The following VPS53 variants were observed in gnomAD, a reference collection of about 807,000 sequenced individuals.
The protein encoded by VPS53 is vacuolar protein sorting-associated protein 53 homolog.
VPS53 carries 70 observed loss-of-function variants against 107.0 expected under a neutral mutation model. The ratio of observed to expected loss-of-function variants is 0.65; its 90% confidence interval spans 0.54 to 0.80. The LOEUF is 0.80. Ranked by LOEUF, VPS53 falls within the 30% of genes least tolerant of loss-of-function variation. The pLI, the probability that VPS53 is intolerant of heterozygous loss-of-function variation, is 0.00. For missense variants in VPS53, 917 were observed against 1,049.4 expected (o/e 0.87, Z 1.74); for synonymous variants, 409 against 393.3 (o/e 1.04, Z -0.47).
intron 4 of VPS53, among the ~76,000 whole-genome samples, chr17:669,994 A>G (rs2143689001): frequency 6.6e-6 from 1 of 152,330 alleles, no homozygotes; most frequent in South Asian, 2.1e-4. Flanking sequence ...ATCACTCCCA[A>G]AAATGTCTGC....
At chr17:710,667 T>C in intron 1 of VPS53, 54 bp from the exon 2 acceptor site, 2 of 1,350,608 alleles carry the variant, frequency 1.5e-6, no homozygotes, top group Non-Finnish European at 2.1e-6. Context: ...CGTAAATATA[T>C]ATAATTTTAA....
At chr17:713,065 A>T (rs1973701671) in intron 1 of VPS53, among the ~76,000 whole-genome samples, 1 of 152,104 alleles carries the variant, frequency 6.6e-6, no homozygotes, top group South Asian at 2.1e-4. Flanking sequence ...TCGAAGCGTC[A>T]ATGAATGCAC....
intron 4 of VPS53, among the ~76,000 whole-genome samples, chr17:686,309 G>A (rs1597486799): frequency 6.6e-6 from 1 of 152,122 alleles, no homozygotes; most frequent in South Asian, 2.1e-4. Flanking sequence ...GACAGAGTGA[G>A]ACCCTGTCTC....
intron 2 of VPS53, among the ~76,000 whole-genome samples, chr17:701,523 A>G (rs1973199575): frequency 6.6e-6 from 1 of 150,566 alleles, no homozygotes; most frequent in South Asian, 2.2e-4. Context: ...GATTACAGGC[A>G]CATGCCACCA....
At chr17:596,916 A>G (rs528001066) in intron 12 of VPS53, among the ~76,000 whole-genome samples, 3 of 152,328 alleles carry the variant, frequency 2.0e-5, no homozygotes, top group Admixed American at 6.5e-5. Context: ...TACTGTTGTC[A>G]CAGTGAGGAG....
chr17:594,037 T>C (rs1431386628), intron 12 of VPS53, among the ~76,000 whole-genome samples: 2 of 152,196 alleles, frequency 1.3e-5, no homozygotes, highest in Non-Finnish European at 2.9e-5. Context: ...GAAATCATCA[T>C]TCTCAGTAAA....
chr17:621,262 GTTCTACCACT>G (rs144632624), intron 11 of VPS53, among the ~76,000 whole-genome samples: 1,682 of 152,200 alleles, frequency 0.011, 27 homozygotes, highest in African/African-American at 0.034. Flanking sequence ...TCCGGCCCCC[GTTCTACCACT>G]TTTAAACTGC....
chr17:645,397 T>A (rs1186722918), intron 7 of VPS53, among the ~76,000 whole-genome samples: 24 of 152,260 alleles, frequency 1.6e-4, no homozygotes, highest in Non-Finnish European at 1.5e-5. Context: ...TTATATATTC[T>A]AGATATTAAT....
intron 4 of VPS53, chr17:674,554 C>T (rs1972081265): frequency 6.6e-6 from 1 of 152,170 alleles, no homozygotes; most frequent in Admixed American, 6.5e-5. Flanking sequence ...TCTGTATTTT[C>T]GGCAGCACAG....
At chr17:535,409 G>A (rs12945309) in intron 18 of VPS53, among the ~76,000 whole-genome samples, 27,275 of 130,986 alleles carry the variant, frequency 0.21, 3,571 homozygotes, top group Admixed American at 0.3. Context: ...CTAAGTCAAC[G>A]GACTCCTCCT....
At chr17:535,030 C>A (rs544504808) in intron 18 of VPS53, among the ~76,000 whole-genome samples, 22 of 151,912 alleles carry the variant, frequency 1.4e-4, no homozygotes, top group South Asian at 2.1e-4. Context: ...GGGGAAAAAA[C>A]CAAGCAATGT....
At chr17:612,355 T>G (rs1451472259) in intron 11 of VPS53, among the ~76,000 whole-genome samples, 2 of 118,838 alleles carry the variant, frequency 1.7e-5, no homozygotes, top group South Asian at 3.4e-4. Context: ...AATATTCACA[T>G]AGTGAGTTCA....
Position 620,555 on chromosome 17 carries a change from G to A in VPS53, c.1116+2978C>T, listed in dbSNP as rs187159338. ...GGAGTAAGTTTCAAATGAGCACAGC[G>A]CCTACTTCCTATGGCTGATGAAGCA... On this transcript the variant is annotated intron_variant, in intron 11 of 21. Coordinates refer to ENST00000437048, the MANE Select transcript of VPS53 (RefSeq NM_001128159.3). Among the ~76,000 whole-genome samples, 12 of 152,260 alleles carry A rather than the reference G, an allele frequency of 7.9e-5. No homozygotes were observed. In the East Asian group the frequency reaches 9.6e-4, roughly 12 times the overall value.
intron 15 of VPS53, among the ~76,000 whole-genome samples, chr17:556,899 A>AG (rs1442952541): frequency 9.9e-5 from 14 of 141,154 alleles, no homozygotes; most frequent in Middle Eastern, 3.7e-3. Flanking sequence ...GGTGGCCAGG[A>AG]GGGCCTCTCT....
Position 560,457 on chromosome 17 carries a change from G to C in VPS53, c.1673C>G (p.Thr558Arg). The C allele has an allele frequency of 1.9e-6, 3 of 1,612,668 alleles. No homozygotes were observed. Among genetic ancestry groups the C allele is most frequent in the Non-Finnish European group, 2.5e-6 (3 of 1,179,986 alleles). Residue 558 changes from threonine to arginine, a missense_variant, in exon 15 of 22, where the codon ACG (threonine) becomes AGG (arginine). Transcript: ENST00000437048. ...GGTGGTGGCCAGACAGTACTCTGCCGTGCTCAGGATGTTACAGATGAGGCA... is the reference window on the plus strand; with the variant it reads ...GGTGGTGGCCAGACAGTACTCTGCCCTGCTCAGGATGTTACAGATGAGGCA... Reference protein sequence around the residue: ...ELCLICNILSTAEYCLATTQQ... With the variant: ...ELCLICNILSRAEYCLATTQQ...
In VPS53 at chr17:520,078, C is replaced by T. The variant is rs977272995; in HGVS notation, c.2224-148G>A. The T allele has an allele frequency of 6.4e-6, 4 of 623,056 alleles. No individual in the cohort carries two copies. Among genetic ancestry groups the T allele is most frequent in the Admixed American group, 2.8e-5 (1 of 35,304 alleles). 38.6% of individuals were successfully genotyped at this position (623,056 alleles called of 1,614,324 possible). ...GAAAACTCACTCCTCACTTGCCCGC[C>T]GAGCGCTAAATGGATTCTGAGAGGT... On this transcript the variant is annotated intron_variant, in intron 20 of 21. Transcript: ENST00000437048. This position sits in a 1 kb window ranked among gnomAD's most constrained non-coding sequence, Gnocchi z 4.4.
intron 7 of VPS53, among the ~76,000 whole-genome samples, chr17:639,262 C>A (rs558088766): frequency 6.6e-6 from 1 of 152,290 alleles, no homozygotes; most frequent in Non-Finnish European, 1.5e-5. Flanking sequence ...TGGTTTTCAG[C>A]TCCATTAGGT....
intron 15 of VPS53, among the ~76,000 whole-genome samples, chr17:559,558 G>A (rs1261988945): frequency 6.6e-6 from 1 of 152,222 alleles, no homozygotes; most frequent in Non-Finnish European, 1.5e-5. Flanking sequence ...TGCTGCCTCT[G>A]CCTCTGGCTG....
intron 12 of VPS53, among the ~76,000 whole-genome samples, chr17:600,427 C>T (rs562584233): frequency 8.5e-5 from 13 of 152,328 alleles, no homozygotes; most frequent in Non-Finnish European, 1.8e-4. Context: ...TTCTTTCCAC[C>T]CTAGTCCCTG....
Sources: gnomAD v4.1 joint callset for allele counts (sites outside exome capture counted in the v4.1 genomes callset) on GRCh38, gnomAD v4.1.1 for gene constraint, Gnocchi (gnomAD v3.1) non-coding constraint, MANE v1.5 for transcripts, NCBI Gene and HGNC (gene_info 2026-07-23, HGNC 2026-07-21) for gene names.